Variants in GLIS3 observed in about 807,000 individuals in gnomAD.
GLIS3 encodes zinc finger protein GLIS3.
Under a neutral mutation model 78.6 loss-of-function variants are expected in GLIS3, and 53 were observed. The ratio of observed to expected loss-of-function variants is 0.67; its 90% CI spans 0.54 to 0.85. The LOEUF (loss-of-function observed/expected upper bound fraction) is 0.85. GLIS3 is among the 40% of genes least tolerant of loss of function. GLIS3 has a pLI of 0.00. For synonymous variants in GLIS3, 684 were observed against 509.9 expected, an observed-to-expected ratio of 1.34 and a Z score of -4.60; for missense variants, 1,703 against 1,231.1, an observed-to-expected ratio of 1.38 and a Z score of -5.74.
rs1248809655 is a variant in GLIS3 at position 4,260,067 on chromosome 9, A to AGT, written c.388+25969_388+25970dup. On this transcript the variant is annotated intron_variant, in intron 2 of 10. Transcript: ENST00000381971. ...TAGGTGGTTCTATAGAAGGAACGAT[A>AGT]GTGACCTCTGATCTACACACTTCAG... 3.0e-5 allele frequency among the ~76,000 whole-genome samples: 4 copies of AGT among 131,926 alleles called. No individual in the cohort carries two copies. In the East Asian group the frequency reaches 9.3e-4, roughly 31 times the overall value. The allele number at this position is 131,926 out of a possible 152,430, so 86.5% of individuals were successfully genotyped here.
chr9:4,254,757 T>G (rs1325386591), intron 2 of GLIS3, among the ~76,000 whole-genome samples: 1 of 151,810 alleles, frequency 6.6e-6, no homozygotes, highest in African/African-American at 2.4e-5. Flanking sequence ...GGAGAATTGC[T>G]TGAGCCTGGG....
At chr9:3,984,049 G>C (rs1251435301) in intron 4 of GLIS3, among the ~76,000 whole-genome samples, 2 of 152,248 alleles carry the variant, frequency 1.3e-5, no homozygotes, top group Non-Finnish European at 2.9e-5. Flanking sequence ...GGAAAAACTG[G>C]TTCTGTGGGT....
chr9:4,082,223 A>ATCAGCACCAATTTAC (rs1368611546), intron 4 of GLIS3, among the ~76,000 whole-genome samples: 8 of 152,228 alleles, frequency 5.3e-5, no homozygotes, highest in Non-Finnish European at 1.2e-4. Flanking sequence ...GGCACTGCTT[A>ATCAGCACCAATTTAC]TCAGCACCAA....
At chr9:3,944,346 C>CATT (rs2130818924) in intron 4 of GLIS3, among the ~76,000 whole-genome samples, 1 of 152,274 alleles carries the variant, frequency 6.6e-6, no homozygotes, top group East Asian at 1.9e-4. Flanking sequence ...TCATCATGGG[C>CATT]ATTATATCAT....
chr9:4,227,395 G>A (rs1821866350), intron 2 of GLIS3, among the ~76,000 whole-genome samples: 1 of 151,836 alleles, frequency 6.6e-6, no homozygotes, highest in South Asian at 2.1e-4. Flanking sequence ...AGGTTTTAAA[G>A]CAGGACTTAT....
At chr9:4,102,966 C>A (rs1055018220) in intron 4 of GLIS3, among the ~76,000 whole-genome samples, 4 of 151,806 alleles carry the variant, frequency 2.6e-5, no homozygotes, top group Admixed American at 2.6e-4. Flanking sequence ...AGGAAAAATA[C>A]ATGTAAAATG....
chr9:4,452,074 C>T, the GLIS3 span, among the ~76,000 whole-genome samples: 11 of 152,104 alleles, frequency 7.2e-5, no homozygotes, highest in African/African-American at 2.7e-4. Context: ...ACAAAAACGA[C>T]ATGATTATCT....
At chr9:3,971,437 T>C (rs1226069925) in intron 4 of GLIS3, among the ~76,000 whole-genome samples, 1 of 152,166 alleles carries the variant, frequency 6.6e-6, no homozygotes, top group East Asian at 1.9e-4. Context: ...TACCTAAAAA[T>C]GGTATTTTTC....
chr9:3,993,215 T>C (rs984378112), intron 4 of GLIS3, among the ~76,000 whole-genome samples: 10 of 152,186 alleles, frequency 6.6e-5, no homozygotes, highest in Non-Finnish European at 1.0e-4. Flanking sequence ...TACCTGACTC[T>C]GCCATTGCCT....
intron 2 of GLIS3, among the ~76,000 whole-genome samples, chr9:4,196,981 T>C (rs1208561890): frequency 6.6e-6 from 1 of 152,146 alleles, no homozygotes; most frequent in Non-Finnish European, 1.5e-5. Context: ...TCTGCTTGCC[T>C]GGACCAGCAG....
chr9:4,223,943 C>G lies in GLIS3; in HGVS notation c.388+62095G>C, dbSNP rs184351600. Among the ~76,000 whole-genome samples, 6 of 151,142 alleles carry G rather than the reference C, an allele frequency of 4.0e-5. No homozygotes were observed. The East Asian group carries it at 1.2e-3, about 29-fold the overall frequency. On this transcript the variant is annotated intron_variant, in intron 2 of 10. Transcript: ENST00000381971. ...AGTGAAAACAAAACAAACAAATAAA[C>G]AATACGGGGAAAATGCCATCAAATT...
chr9:4,427,278 G>A, the GLIS3 span, among the ~76,000 whole-genome samples: 1 of 152,228 alleles, frequency 6.6e-6, no homozygotes, highest in African/African-American at 2.4e-5. Context: ...TGAAGCATAT[G>A]CCAAGAACTC....
At chr9:3,879,368 G>C in intron 8 of GLIS3, 59 bp downstream of exon 8, 1 of 1,522,170 alleles carries the variant, frequency 6.6e-7, no homozygotes. Context: ...CAAGGCACTT[G>C]TCTGTGAAGG....
At chr9:4,173,721 G>A (rs1045686813) in intron 2 of GLIS3, among the ~76,000 whole-genome samples, 9 of 151,878 alleles carry the variant, frequency 5.9e-5, no homozygotes, top group African/African-American at 1.5e-4. Context: ...CACAGCCTCC[G>A]GAGTAGCTGG....
chr9:4,362,383 T>A, the GLIS3 span, among the ~76,000 whole-genome samples: 48 of 152,232 alleles, frequency 3.2e-4, no homozygotes, highest in Non-Finnish European at 4.4e-5. Flanking sequence ...TGCTGTATCA[T>A]TGATGTAGTA....
the GLIS3 span, among the ~76,000 whole-genome samples, chr9:4,407,143 A>C: frequency 6.6e-6 from 1 of 152,204 alleles, no homozygotes; most frequent in African/African-American, 2.4e-5. Flanking sequence ...AAATCCACCC[A>C]TCTACAGTAA....
At chr9:4,150,758 T>C (rs559299636) in intron 2 of GLIS3, among the ~76,000 whole-genome samples, 5 of 152,174 alleles carry the variant, frequency 3.3e-5, no homozygotes, top group Non-Finnish European at 7.3e-5. Flanking sequence ...CTCCTTATTT[T>C]ATAAATTGTA....
intron 2 of GLIS3, among the ~76,000 whole-genome samples, chr9:4,346,565 G>C (rs377434980): frequency 6.6e-6 from 1 of 152,182 alleles, no homozygotes; most frequent in African/African-American, 2.4e-5. Context: ...TCAACTGATA[G>C]AAAAAGAGCA....
chr9:4,489,312 T>C, the GLIS3 span, among the ~76,000 whole-genome samples: 2 of 152,206 alleles, frequency 1.3e-5, no homozygotes, highest in Non-Finnish European at 2.9e-5. Context: ...TCTTAATCTA[T>C]TATCGCTTAA....
Sources: gnomAD v4.1 joint callset for allele counts (sites outside exome capture counted in the v4.1 genomes callset) on GRCh38, gnomAD v4.1.1 for gene constraint, MANE v1.5 for transcripts, NCBI Gene and HGNC (gene_info 2026-07-23, HGNC 2026-07-21) for gene names.